The following LTBP1 variants were observed in gnomAD, a reference collection of about 807,000 sequenced individuals.
The protein encoded by LTBP1 is latent transforming growth factor beta binding protein 1.
LTBP1 carries 129 observed loss-of-function variants against 207.6 expected under a neutral mutation model. That is an observed-to-expected ratio of 0.62 (90% CI 0.54 to 0.72). The LOEUF is 0.72. Among genes scored for constraint, LTBP1 ranks in the 30% least tolerant of loss-of-function variants. LTBP1 has a pLI of 0.00. For missense variants in LTBP1, 2,281 were observed against 2,217.2 expected (o/e 1.03, Z -0.58); for synonymous variants, 963 against 833.7 (o/e 1.16, Z -2.67).
chr2:33,019,560 C>T (rs192227847), intron 2 of LTBP1, among the ~76,000 whole-genome samples: 7 of 152,024 alleles, frequency 4.6e-5, no homozygotes, highest in Admixed American at 1.3e-4. Flanking sequence ...GTCTCGAACT[C>T]CTGACCTCAA....
chr2:33,351,032 C>A (rs1263273363), intron 26 of LTBP1, among the ~76,000 whole-genome samples: 1 of 152,034 alleles, frequency 6.6e-6, no homozygotes, highest in Non-Finnish European at 1.5e-5. Flanking sequence ...TTAAGACAAG[C>A]AAACAAAATC....
At chr2:33,398,251 C>A in intron 33 of LTBP1, 113 bp from the exon 34 acceptor site, 2 of 892,956 alleles carry the variant, frequency 2.2e-6, no homozygotes, top group South Asian at 1.8e-5. Context: ...GAAGCAATGA[C>A]GAGAAAGCTT....
At chr2:33,026,954 A>G (rs2149277959) in intron 3 of LTBP1, among the ~76,000 whole-genome samples, 1 of 152,304 alleles carries the variant, frequency 6.6e-6, no homozygotes, top group South Asian at 2.1e-4. Flanking sequence ...TCCTCACCGG[A>G]GGGAGCTACT....
At chr2:32,956,298 G>A (rs1678062067) in intron 2 of LTBP1, among the ~76,000 whole-genome samples, 1 of 152,168 alleles carries the variant, frequency 6.6e-6, no homozygotes, top group African/African-American at 2.4e-5. Context: ...TTGACCTACT[G>A]TATAACTTCT....
At chr2:33,096,980 T>C (rs1020158610) in intron 3 of LTBP1, among the ~76,000 whole-genome samples, 6 of 152,274 alleles carry the variant, frequency 3.9e-5, no homozygotes, top group East Asian at 1.9e-4. Context: ...GTGACTCTTA[T>C]AGGGTAGAAG....
chr2:33,009,708 G>A (rs778859169), intron 2 of LTBP1, among the ~76,000 whole-genome samples: 6 of 152,110 alleles, frequency 3.9e-5, no homozygotes, highest in Non-Finnish European at 7.4e-5. Context: ...GTGATACTTC[G>A]TTATGGCAGT....
intron 3 of LTBP1, among the ~76,000 whole-genome samples, chr2:33,041,588 G>C (rs539597681): frequency 6.6e-6 from 1 of 152,202 alleles, no homozygotes; most frequent in Non-Finnish European, 1.5e-5. Flanking sequence ...GGCCCAGACT[G>C]TGTCTTTTCT....
At chr2:33,263,692 G>A (rs1295280315) in intron 15 of LTBP1, among the ~76,000 whole-genome samples, 1 of 152,202 alleles carries the variant, frequency 6.6e-6, no homozygotes, top group Non-Finnish European at 1.5e-5. Flanking sequence ...GGTGGCTCAT[G>A]CCTATAATCC....
Position 33,131,793 on chromosome 2 carries a change from G to A in LTBP1, c.1034-3000G>A, listed in dbSNP as rs899059510. Among the ~76,000 whole-genome samples, 6 of 152,348 alleles carry A rather than the reference G, an allele frequency of 3.9e-5. No individual in the cohort carries two copies. In the East Asian group the frequency reaches 1.2e-3, roughly 29 times the overall value. On this transcript the variant is annotated intron_variant, in intron 4 of 33. Coordinates refer to ENST00000404816, the MANE Select transcript of LTBP1 (RefSeq NM_206943.4). ...TGTAAAAATCAGAATTAAGTCATATGAAACTGTCTCTGCCTTTTGAAAATC... is the reference window on the plus strand; with the variant it reads ...TGTAAAAATCAGAATTAAGTCATATAAAACTGTCTCTGCCTTTTGAAAATC...
intron 12 of LTBP1, among the ~76,000 whole-genome samples, chr2:33,258,930 T>C (rs753030500): frequency 3.3e-5 from 5 of 152,194 alleles, no homozygotes; most frequent in Admixed American, 6.5e-5. Flanking sequence ...TCTTTAAAAA[T>C]ACAAAGGCAT....
At chr2:33,088,045 A>G (rs548759618) in intron 3 of LTBP1, among the ~76,000 whole-genome samples, 33 of 152,390 alleles carry the variant, frequency 2.2e-4, no homozygotes, top group African/African-American at 7.2e-4. Flanking sequence ...TCACTTTGGT[A>G]AAATTCCTGG....
chr2:33,130,237 A>G (rs991604840), intron 4 of LTBP1, among the ~76,000 whole-genome samples: 3 of 152,162 alleles, frequency 2.0e-5, no homozygotes, highest in Non-Finnish European at 2.9e-5. Flanking sequence ...TGTGTATTGA[A>G]TCAGCCTGTA....
chr2:33,029,248 A>G (rs1395607720), intron 3 of LTBP1, among the ~76,000 whole-genome samples: 2 of 152,174 alleles, frequency 1.3e-5, no homozygotes, highest in African/African-American at 4.8e-5. Context: ...AGGCTGAGGC[A>G]GGTGGATCAC....
At chr2:33,147,731 T>G (rs2083166766) in intron 5 of LTBP1, among the ~76,000 whole-genome samples, 1 of 152,216 alleles carries the variant, frequency 6.6e-6, no homozygotes, top group Non-Finnish European at 1.5e-5. Context: ...CATGCATGAT[T>G]GCCATATGAA....
chr2:33,205,856 T>TC (rs941115410), intron 7 of LTBP1, among the ~76,000 whole-genome samples: 2 of 152,098 alleles, frequency 1.3e-5, no homozygotes, highest in Non-Finnish European at 2.9e-5. Context: ...GCTTGACCTC[T>TC]CTGTTGCTTT....
intron 2 of LTBP1, among the ~76,000 whole-genome samples, chr2:32,954,894 G>A (rs929571018): frequency 6.6e-6 from 1 of 152,128 alleles, no homozygotes; most frequent in African/African-American, 2.4e-5. Context: ...GCTCCAGGGG[G>A]TGTTAGGAGA....
In LTBP1 at chr2:33,365,523, C is replaced by T. The variant is rs2150106132; in HGVS notation, c.4711+20C>T. ...ATTCAGGTGAGCCCATATCCAATTCCTTCTGCAGGAGGCCTTTGGGGACAA... is the reference window on the plus strand; with the variant it reads ...ATTCAGGTGAGCCCATATCCAATTCTTTCTGCAGGAGGCCTTTGGGGACAA... On this transcript the variant is annotated intron_variant, in intron 31 of 33. Transcript: ENST00000404816. The T allele has an allele frequency of 1.9e-6, 3 of 1,605,758 alleles. No individual in the cohort carries two copies. Among genetic ancestry groups the T allele is most frequent in the Non-Finnish European group, 2.6e-6 (3 of 1,175,338 alleles).
At chr2:33,096,797 G>T (rs912310026) in intron 3 of LTBP1, among the ~76,000 whole-genome samples, 1 of 152,158 alleles carries the variant, frequency 6.6e-6, no homozygotes, top group Non-Finnish European at 1.5e-5. Context: ...TTTAGTTCTA[G>T]CTACTCAGAA....
At chr2:33,363,652 C>A in intron 29 of LTBP1, 134 bp downstream of exon 29, 1 of 984,524 alleles carries the variant, frequency 1.0e-6, no homozygotes, top group Non-Finnish European at 1.4e-6. Flanking sequence ...TTTTAGGGAT[C>A]TTTTTCTTAA....
Sources: gnomAD v4.1 joint callset for allele counts (sites outside exome capture counted in the v4.1 genomes callset) on GRCh38, gnomAD v4.1.1 for gene constraint, MANE v1.5 for transcripts, NCBI Gene and HGNC (gene_info 2026-07-23, HGNC 2026-07-21) for gene names.